MAPKAP1: variants seen among roughly 807,000 people sequenced by gnomAD.
MAPKAP1 encodes MAPK associated protein 1.
A neutral mutation model predicts 65.7 loss-of-function variants in MAPKAP1; 20 were observed. That is an observed-to-expected ratio of 0.30 (90% CI 0.21 to 0.44). The LOEUF is 0.44. Ranked by LOEUF, MAPKAP1 falls within the 20% of genes least tolerant of loss-of-function variation. MAPKAP1 has a pLI of 1.00. For synonymous variants in MAPKAP1, 222 were observed against 244.3 expected, an observed-to-expected ratio of 0.91 and a Z score of 0.85; for missense variants, 423 against 648.0, an observed-to-expected ratio of 0.65 and a Z score of 3.77.
rs563352405 is a variant in MAPKAP1 at position 125,694,034 on chromosome 9, T to A, written c.-70+12937A>T. ...TGTATTAAAATTTTTTTTTAATTTT[T>A]AAAAATTTTTTAGGTTGGGCACGGT... On this transcript the variant is annotated intron_variant, in intron 1 of 11. Transcript: ENST00000265960. Among the ~76,000 whole-genome samples, 12 of 152,028 alleles carry A rather than the reference T, an allele frequency of 7.9e-5. No homozygotes were observed. In the South Asian group the frequency reaches 1.5e-3, roughly 18 times the overall value.
At position 125,575,148 on chromosome 9, in the gene MAPKAP1, T is replaced by G. The variant is rs1831354536; in HGVS notation, c.671+10407A>C. On this transcript the variant is annotated intron_variant, in intron 5 of 11. Transcript: ENST00000265960. ...AGGATGATTGCTTTAAGCCAGGAAT[T>G]CAAGACCACCCAAGGCAACAAAGCT... 3.3e-5 allele frequency among the ~76,000 whole-genome samples: 5 copies of G among 152,158 alleles called. No individual in the cohort carries two copies. In the South Asian group the frequency reaches 6.2e-4, roughly 19 times the overall value.
At chr9:125,691,218 G>A (rs1403593357) in intron 1 of MAPKAP1, among the ~76,000 whole-genome samples, 16 of 152,074 alleles carry the variant, frequency 1.1e-4, no homozygotes, top group African/African-American at 1.9e-4. Context: ...CCGAGATCGC[G>A]CCACTGCACT....
chr9:125,602,598 G>A (rs141808462), intron 4 of MAPKAP1, among the ~76,000 whole-genome samples: 13 of 152,278 alleles, frequency 8.5e-5, no homozygotes, highest in African/African-American at 2.6e-4. Context: ...GATGGGAGAC[G>A]GGGCCAGGCA....
At chr9:125,616,211 C>A (rs1252733076) in intron 4 of MAPKAP1, among the ~76,000 whole-genome samples, 1 of 152,066 alleles carries the variant, frequency 6.6e-6, no homozygotes, top group Non-Finnish European at 1.5e-5. Context: ...TACCTCACTA[C>A]CACACATGCA....
At chr9:125,539,471 T>C (rs962612936) in intron 7 of MAPKAP1, among the ~76,000 whole-genome samples, 4 of 152,244 alleles carry the variant, frequency 2.6e-5, no homozygotes, top group African/African-American at 9.7e-5. Context: ...TCTGTGTCAA[T>C]GTTAAACATT....
Position 125,564,417 on chromosome 9 carries a change from T to A in MAPKAP1, c.672-4608A>T, listed in dbSNP as rs182404695. On this transcript the variant is annotated intron_variant, in intron 5 of 11. Transcript: ENST00000265960. ...ACACTTTCCAAATATCCTGAGTACA[T>A]ATAACTTTTATTTTCCTTTCTTTAT... Among the ~76,000 whole-genome samples, 154 of 152,370 alleles carry A rather than the reference T, an allele frequency of 1.0e-3. 2 individuals are homozygous for A. The highest frequency in any genetic ancestry group is 1.6e-3 in the Non-Finnish European group (106 of 68,044).
chr9:125,598,491 CTCTT>C (rs1000170920), intron 4 of MAPKAP1, among the ~76,000 whole-genome samples: 1 of 152,202 alleles, frequency 6.6e-6, no homozygotes, highest in African/African-American at 2.4e-5. Flanking sequence ...TCAACTGCCA[CTCTT>C]TCTTTAACAA....
At chr9:125,675,690 G>T (rs1473576693) in intron 1 of MAPKAP1, among the ~76,000 whole-genome samples, 1 of 152,140 alleles carries the variant, frequency 6.6e-6, no homozygotes, top group East Asian at 1.9e-4. Context: ...AGTTCCACAA[G>T]GACAGGGTTC....
At position 125,562,066 on chromosome 9, in the gene MAPKAP1, T is replaced by C. The variant is rs545255990; in HGVS notation, c.672-2257A>G. ...AGCAACAGACAGCACAGATTATTTA[T>C]TGCCATGTAAATCAACCTGAGGAAT... On this transcript the variant is annotated intron_variant, in intron 5 of 11. Coordinates refer to ENST00000265960, the MANE Select transcript of MAPKAP1 (RefSeq NM_001006617.3). 2.6e-5 allele frequency among the ~76,000 whole-genome samples: 4 copies of C among 152,334 alleles called. No homozygotes were observed. In the East Asian group the frequency reaches 7.7e-4, roughly 29 times the overall value.
chr9:125,492,456 T>G (rs1177202111), intron 8 of MAPKAP1, among the ~76,000 whole-genome samples: 2 of 152,208 alleles, frequency 1.3e-5, no homozygotes, highest in Non-Finnish European at 2.9e-5. Flanking sequence ...AAGCAATAGG[T>G]TTACTTTCAG....
At chr9:125,495,215 TGTCCCTTTCCCTGACTCGAGA>T (rs1854898685) in intron 8 of MAPKAP1, among the ~76,000 whole-genome samples, 1 of 152,180 alleles carries the variant, frequency 6.6e-6, no homozygotes, top group African/African-American at 2.4e-5. Flanking sequence ...AACACCAAGG[TGTCCCTTTCCCTGACTCGAGA>T]GTCAGAGGAT....
At chr9:125,658,604 G>C (rs1402913151) in intron 3 of MAPKAP1, among the ~76,000 whole-genome samples, 1 of 152,088 alleles carries the variant, frequency 6.6e-6, no homozygotes, top group African/African-American at 2.4e-5. Context: ...TAATGAACAA[G>C]GTAGACACTG....
At chr9:125,567,325 T>A (rs1174774995) in intron 5 of MAPKAP1, among the ~76,000 whole-genome samples, 1 of 152,048 alleles carries the variant, frequency 6.6e-6, no homozygotes, top group Non-Finnish European at 1.5e-5. Flanking sequence ...AAAATACAGG[T>A]CATAAAGACA....
intron 6 of MAPKAP1, among the ~76,000 whole-genome samples, chr9:125,553,403 A>G (rs1290750225): frequency 1.3e-5 from 2 of 152,072 alleles, no homozygotes; most frequent in East Asian, 1.9e-4. Flanking sequence ...TTGGCAGGGC[A>G]TGGTGGCAGG....
intron 9 of MAPKAP1, among the ~76,000 whole-genome samples, chr9:125,481,435 T>G (rs1313685975): frequency 1.3e-5 from 2 of 152,106 alleles, no homozygotes; most frequent in African/African-American, 4.8e-5. Flanking sequence ...CTTCTTTTTT[T>G]CCTTTGAGAC....
At chr9:125,580,689 A>G (rs1831596085) in intron 5 of MAPKAP1, among the ~76,000 whole-genome samples, 1 of 152,170 alleles carries the variant, frequency 6.6e-6, no homozygotes, top group African/African-American at 2.4e-5. Flanking sequence ...GTATAAAAAA[A>G]AAAAAGACTA....
chr9:125,494,176 T>G (rs1449287968), intron 8 of MAPKAP1, among the ~76,000 whole-genome samples: 1 of 152,164 alleles, frequency 6.6e-6, no homozygotes, highest in Non-Finnish European at 1.5e-5. Context: ...AGAGGCCTTT[T>G]AAGTCCCCAA....
chr9:125,545,907 A>G (rs1830408047), intron 6 of MAPKAP1, among the ~76,000 whole-genome samples: 1 of 152,190 alleles, frequency 6.6e-6, no homozygotes, highest in South Asian at 2.1e-4. Flanking sequence ...GTATTTTTTC[A>G]TTACACTTTT....
chr9:125,577,292 C>T (rs887465020), intron 5 of MAPKAP1, among the ~76,000 whole-genome samples: 142 of 151,706 alleles, frequency 9.4e-4, no homozygotes, highest in Non-Finnish European at 8.1e-4. Context: ...GCAGCCGTCC[C>T]GTCTGAGAAG....
Sources: allele counts gnomAD v4.1 joint callset (sites outside exome capture counted in the v4.1 genomes callset), GRCh38; gene constraint gnomAD v4.1.1; transcripts MANE v1.5; gene names NCBI Gene and HGNC (gene_info 2026-07-23, HGNC 2026-07-21).